The following FBXO11 variants were observed in gnomAD, a reference collection of about 807,000 sequenced individuals.
The protein encoded by FBXO11 is F-box only protein 11.
FBXO11 carries 13 observed loss-of-function variants against 117.0 expected under a neutral mutation model. That is an observed-to-expected ratio of 0.11 (90% CI 0.07 to 0.18). The LOEUF (loss-of-function observed/expected upper bound fraction) is 0.18. Among genes scored for constraint, FBXO11 ranks in the 10% least tolerant of loss-of-function variants. The pLI is 1.00. For missense variants in FBXO11, 767 were observed against 1,164.4 expected (o/e 0.66, Z 4.97); for synonymous variants, 490 against 380.5 (o/e 1.29, Z -3.35).
intron 16 of FBXO11, 144 bp downstream of exon 16, chr2:47,818,635 T>C: frequency 1.6e-6 from 1 of 644,206 alleles, no homozygotes; most frequent in Non-Finnish European, 2.7e-6. Flanking sequence ...TTCTGACAAT[T>C]TAAGTCAAGA....
intron 1 of FBXO11, among the ~76,000 whole-genome samples, chr2:47,856,106 G>C (rs191911691): frequency 2.6e-5 from 4 of 152,130 alleles, no homozygotes; most frequent in Non-Finnish European, 4.4e-5. Context: ...GTGGAATACC[G>C]TCTCTAAAGA....
chr2:47,833,126 A>G (rs1387654642), intron 7 of FBXO11, 56 bp from the exon 8 acceptor site: 1 of 1,166,384 alleles, frequency 8.6e-7, no homozygotes, highest in Non-Finnish European at 1.3e-6. Flanking sequence ...ACAGATGGGT[A>G]TCTTTATGGA....
intron 11 of FBXO11, among the ~76,000 whole-genome samples, chr2:47,823,972 T>C (rs897857475): frequency 2.0e-5 from 3 of 151,926 alleles, no homozygotes; most frequent in South Asian, 4.2e-4. Context: ...GCTAGGACCA[T>C]AGAAAGGCAC....
chr2:47,831,218 C>A (rs1163541735), intron 11 of FBXO11, among the ~76,000 whole-genome samples: 1 of 151,512 alleles, frequency 6.6e-6, no homozygotes, highest in East Asian at 2.0e-4. Context: ...GGAGTTCAAG[C>A]CCAGCCTGAC....
At chr2:47,821,398 C>G (rs1671368731) in intron 13 of FBXO11, among the ~76,000 whole-genome samples, 1 of 152,124 alleles carries the variant, frequency 6.6e-6, no homozygotes. Flanking sequence ...ATCACAAGGT[C>G]AGGAGATCGA....
rs1181489786 is a variant in FBXO11 at position 47,832,899 on chromosome 2, G to A, written c.1042-19C>T. The A allele has an allele frequency of 6.2e-7, 1 of 1,610,322 alleles. No individual in the cohort carries two copies. The highest frequency in any genetic ancestry group is 8.5e-7 in the Non-Finnish European group (1 of 1,176,758). ...GGTTAAACTGAAAAGTAAAAATTTT[G>A]TTTGAAATAAACAATTACTGCCTTT... On this transcript the variant is annotated intron_variant, in intron 8 of 22. Transcript: ENST00000403359.
chr2:47,860,240 C>G (rs1027921002), intron 1 of FBXO11, among the ~76,000 whole-genome samples: 2 of 152,134 alleles, frequency 1.3e-5, no homozygotes, highest in African/African-American at 4.8e-5. Context: ...TCATTTTTAT[C>G]ACTGTGCCCT....
chr2:47,876,852 TC>T (rs2103871258), intron 1 of FBXO11, among the ~76,000 whole-genome samples: 1 of 152,286 alleles, frequency 6.6e-6, no homozygotes, highest in African/African-American at 2.4e-5. Flanking sequence ...TACTACTATG[TC>T]TAATCTCTCC....
intron 1 of FBXO11, among the ~76,000 whole-genome samples, chr2:47,861,586 T>C (rs1320026518): frequency 1.3e-5 from 2 of 152,156 alleles, no homozygotes; most frequent in African/African-American, 4.8e-5. Context: ...CCTCCTGAAG[T>C]GCTGGGATTA....
intron 1 of FBXO11, among the ~76,000 whole-genome samples, chr2:47,843,594 C>T (rs867326217): frequency 1.3e-5 from 2 of 152,294 alleles, no homozygotes; most frequent in Middle Eastern, 6.8e-3. Flanking sequence ...TGGCTTTCTT[C>T]ATCACTAACA....
chr2:47,834,421 G>A (rs1672410221), intron 7 of FBXO11, among the ~76,000 whole-genome samples, 158 bp downstream of exon 7: 1 of 152,086 alleles, frequency 6.6e-6, no homozygotes, highest in Admixed American at 6.6e-5. Flanking sequence ...GAACTCTTAT[G>A]TTTTCACTTC....
chr2:47,844,310 G>T (rs1453416689), intron 1 of FBXO11, among the ~76,000 whole-genome samples: 1 of 151,968 alleles, frequency 6.6e-6, no homozygotes, highest in East Asian at 1.9e-4. Context: ...CTTTGTTCTT[G>T]AGTGAGCATT....
intron 1 of FBXO11, among the ~76,000 whole-genome samples, chr2:47,849,336 AT>A (rs1160745204): frequency 2.0e-5 from 3 of 152,226 alleles, no homozygotes; most frequent in Non-Finnish European, 2.9e-5. Context: ...ACATTTTAAA[AT>A]TATTTATTTA....
At chr2:47,862,558 A>T (rs1238505005) in intron 1 of FBXO11, among the ~76,000 whole-genome samples, 1 of 152,206 alleles carries the variant, frequency 6.6e-6, no homozygotes, top group Non-Finnish European at 1.5e-5. Flanking sequence ...CAGAGCAGCT[A>T]GGACTATTGT....
chr2:47,826,362 A>G (rs1176096905), intron 11 of FBXO11, among the ~76,000 whole-genome samples: 2 of 152,090 alleles, frequency 1.3e-5, no homozygotes, highest in East Asian at 3.9e-4. Flanking sequence ...CAGCTGATCC[A>G]CAAGTTTTTT....
chr2:47,905,482 G>C lies in FBXO11; in HGVS notation c.232+7C>G. On this transcript the variant is annotated splice_region_variant and intron_variant, in intron 1 of 22. Transcript: ENST00000403359. The stretch of plus-strand genomic sequence containing the variant: ...AGGCGGGCGGTTGGGAGGTAGCGCG[G>C]CCTTACCCCGCTCGCCGACGTTGTT... 2.4e-6 allele frequency: 3 copies of C among 1,228,292 alleles called. No homozygotes were observed. Among genetic ancestry groups the C allele is most frequent in the Non-Finnish European group, 3.0e-6 (3 of 986,418 alleles). The allele number at this position is 1,228,292 out of a possible 1,614,324, so 76.1% of individuals were successfully genotyped here.
At chr2:47,863,168 G>C (rs1245561498) in intron 1 of FBXO11, among the ~76,000 whole-genome samples, 1 of 150,296 alleles carries the variant, frequency 6.7e-6, no homozygotes, top group Non-Finnish European at 1.5e-5. Context: ...TTTCAATATA[G>C]AAAATAAAAC....
intron 16 of FBXO11, among the ~76,000 whole-genome samples, chr2:47,817,841 T>C (rs533155222): frequency 1.3e-5 from 2 of 152,206 alleles, no homozygotes; most frequent in East Asian, 1.9e-4. Flanking sequence ...ACAATTACAA[T>C]AGTAACATCA....
chr2:47,838,708 C>T (rs940780609), intron 4 of FBXO11, 151 bp downstream of exon 4: 1 of 622,616 alleles, frequency 1.6e-6, no homozygotes, highest in Non-Finnish European at 2.8e-6. Context: ...GGACTGACAG[C>T]CCCCATTTGT....
Sources: gnomAD v4.1 joint callset for allele counts (sites outside exome capture counted in the v4.1 genomes callset) on GRCh38, gnomAD v4.1.1 for gene constraint, MANE v1.5 for transcripts, NCBI Gene and HGNC (gene_info 2026-07-23, HGNC 2026-07-21) for gene names.